PCDH15: variants seen among roughly 807,000 people sequenced by gnomAD.
The protein encoded by PCDH15 is protocadherin-15.
A neutral mutation model predicts 178.5 loss-of-function variants in PCDH15; 129 were observed. The ratio of observed to expected loss-of-function variants is 0.72; its 90% confidence interval spans 0.63 to 0.84. The LOEUF (loss-of-function observed/expected upper bound fraction) is 0.84, where lower values mean the gene tolerates loss of function less well. Ranked by LOEUF, PCDH15 falls within the 40% of genes least tolerant of loss-of-function variation. The pLI is 0.00. For missense variants in PCDH15, 2,230 were observed against 2,099.9 expected (o/e 1.06, Z -1.21); for synonymous variants, 800 against 732.0 (o/e 1.09, Z -1.50).
At chr10:55,311,824 A>G (rs967620390) in intron 1 of PCDH15, among the ~76,000 whole-genome samples, 8 of 152,198 alleles carry the variant, frequency 5.3e-5, no homozygotes. Context: ...AGTAGACTCC[A>G]TGTGTGCTAA....
At chr10:53,880,787 A>C (rs1011841033) in intron 26 of PCDH15, among the ~76,000 whole-genome samples, 7 of 152,158 alleles carry the variant, frequency 4.6e-5, no homozygotes, top group African/African-American at 1.4e-4. Flanking sequence ...AATGACACTA[A>C]TTGTAAAGAA....
chr10:54,159,326 T>C (rs1285524804), intron 13 of PCDH15, among the ~76,000 whole-genome samples: 2 of 152,058 alleles, frequency 1.3e-5, no homozygotes, highest in East Asian at 1.9e-4. Context: ...TTTTTCTTCC[T>C]CTAGGGCTAA....
chr10:54,947,993 T>A (rs141258236), intron 2 of PCDH15, among the ~76,000 whole-genome samples: 138 of 152,122 alleles, frequency 9.1e-4, no homozygotes, highest in African/African-American at 3.2e-3. Flanking sequence ...GTATTTCTTC[T>A]TCATAGACTA....
At chr10:54,600,080 A>T in intron 2 of PCDH15, 1 of 1,080,498 alleles carries the variant, frequency 9.3e-7, no homozygotes, top group Non-Finnish European at 1.4e-6. Flanking sequence ...GAAGCTCCCA[A>T]GGAATAGAAG....
intron 2 of PCDH15, chr10:55,599,842 T>C: frequency 9.2e-7 from 1 of 1,089,424 alleles, no homozygotes; most frequent in Non-Finnish European, 1.3e-6. Flanking sequence ...AGGGTTGCGG[T>C]ATCCTGAACT....
At chr10:54,829,643 T>G (rs1312669803) in intron 3 of PCDH15, among the ~76,000 whole-genome samples, 1 of 152,108 alleles carries the variant, frequency 6.6e-6, no homozygotes, top group African/African-American at 2.4e-5. Flanking sequence ...GTACTCACTC[T>G]GTGTTTCAAA....
intron 2 of PCDH15, among the ~76,000 whole-genome samples, chr10:55,071,432 G>T (rs1477849405): frequency 6.6e-6 from 1 of 152,054 alleles, no homozygotes; most frequent in Non-Finnish European, 1.5e-5. Flanking sequence ...ACAAAAAAAG[G>T]CAGGGGTTGC....
chr10:54,138,769 A>G (rs2043113189), intron 14 of PCDH15, among the ~76,000 whole-genome samples: 1 of 152,198 alleles, frequency 6.6e-6, no homozygotes, highest in South Asian at 2.1e-4. Flanking sequence ...TTACCTACTG[A>G]GGTCAAGAAA....
chr10:54,939,844 T>C (rs1838015537), intron 2 of PCDH15, among the ~76,000 whole-genome samples: 1 of 152,058 alleles, frequency 6.6e-6, no homozygotes, highest in Non-Finnish European at 1.5e-5. Context: ...CTCCAGCCTG[T>C]TTTATAAGAG....
intron 2 of PCDH15, among the ~76,000 whole-genome samples, chr10:55,603,276 C>T (rs1014835846): frequency 2.7e-5 from 4 of 150,914 alleles, no homozygotes; most frequent in African/African-American, 9.8e-5. Flanking sequence ...GATTGGTGTA[C>T]CTGAAAGTGA....
At chr10:54,979,228 A>G (rs1173263814) in intron 2 of PCDH15, among the ~76,000 whole-genome samples, 1 of 152,202 alleles carries the variant, frequency 6.6e-6, no homozygotes, top group African/African-American at 2.4e-5. Flanking sequence ...CTATATGAGG[A>G]ATGGATAGTT....
At chr10:54,671,837 T>C (rs375470072) in intron 1 of PCDH15, among the ~76,000 whole-genome samples, 3 of 152,136 alleles carry the variant, frequency 2.0e-5, no homozygotes, top group Non-Finnish European at 2.9e-5. Context: ...CCTCGTATAA[T>C]ACTATTCTAT....
At chr10:55,155,824 CATA>C (rs3074588) in intron 2 of PCDH15, among the ~76,000 whole-genome samples, 60,763 of 151,740 alleles carry the variant, frequency 0.4, 12,819 homozygotes, top group African/African-American at 0.54. Flanking sequence ...ATGATCCTTA[CATA>C]ATGTTTTGTA....
chr10:53,888,318 G>GTATATATATGTATGTACACATATA (rs1238264864), intron 26 of PCDH15, among the ~76,000 whole-genome samples: 1 of 91,824 alleles, frequency 1.1e-5, no homozygotes. Context: ...ATGTATATAT[G>GTATATATATGTATGTACACATATA]TACGTATATA....
At chr10:55,056,322 CTAGTTTATT>C (rs1402625008) in intron 2 of PCDH15, among the ~76,000 whole-genome samples, 58 of 152,136 alleles carry the variant, frequency 3.8e-4, no homozygotes, top group Non-Finnish European at 5.9e-5. Flanking sequence ...CTCTCTCGCT[CTAGTTTATT>C]ATACTCCATC....
intron 2 of PCDH15, among the ~76,000 whole-genome samples, chr10:55,394,923 C>A: frequency 6.6e-6 from 1 of 152,064 alleles, no homozygotes; most frequent in East Asian, 1.9e-4. Flanking sequence ...CATATACTTG[C>A]TTCCTGCACC....
intron 1 of PCDH15, among the ~76,000 whole-genome samples, chr10:55,185,494 GT>G (rs1839771482): frequency 1.3e-5 from 2 of 151,714 alleles, no homozygotes; most frequent in Admixed American, 1.3e-4. Context: ...GTAAGTTTTA[GT>G]TATCAAGAAT....
In PCDH15 at chr10:55,328,915, TATATATATATA is replaced by T. The variant is rs1280075215; in HGVS notation, c.-155-162275_-155-162265del. Reference sequence around the variant, plus strand: ...ATGACTGTATATTTTCACACAAACATATATATATATATATATATATATATATATATATATAA... The same window carrying T: ...ATGACTGTATATTTTCACACAAACATTATATATATATATATATATATATAA... On this transcript the variant is annotated intron_variant, in intron 2 of 5. Coordinates refer to the PCDH15 transcript ENST00000613346. Among the ~76,000 whole-genome samples the T allele has an allele frequency of 3.3e-4, 5 of 15,166 alleles. No homozygotes were observed. The African/African-American group carries it at 3.3e-3, about 10-fold the overall frequency. 9.9% of individuals were successfully genotyped at this position (15,166 alleles called of 152,430 possible).
chr10:55,570,906 C>T (rs1209856363), intron 2 of PCDH15, among the ~76,000 whole-genome samples: 4 of 152,078 alleles, frequency 2.6e-5, no homozygotes, highest in African/African-American at 4.8e-5. Flanking sequence ...ATAATCATTA[C>T]TTTTAGTTGT....
Sources: allele counts gnomAD v4.1 joint callset (sites outside exome capture counted in the v4.1 genomes callset), GRCh38; gene constraint gnomAD v4.1.1; transcripts MANE v1.5; gene names NCBI Gene and HGNC (gene_info 2026-07-23, HGNC 2026-07-21).